The following PANX1 variants were observed in gnomAD, a reference collection of about 807,000 sequenced individuals.
PANX1 encodes the protein pannexin-1.
A neutral mutation model predicts 38.7 loss-of-function variants in PANX1; 30 were observed. The ratio of observed to expected loss-of-function variants is 0.78; its 90% CI spans 0.58 to 1.05. The LOEUF (loss-of-function observed/expected upper bound fraction) is 1.05. PANX1 is among the 50% of genes least tolerant of loss of function. The pLI is 0.00. For synonymous variants in PANX1, 230 were observed against 212.2 expected, an observed-to-expected ratio of 1.08 and a Z score of -0.73; for missense variants, 551 against 517.2, an observed-to-expected ratio of 1.07 and a Z score of -0.63.
Position 94,178,491 on chromosome 11 carries a change from A to C in PANX1, c.444A>C (p.Lys148Asn). 1 of 1,614,160 alleles carries C rather than the reference A, an allele frequency of 6.2e-7. No individual in the cohort carries two copies. The highest frequency in any genetic ancestry group is 2.2e-5 in the East Asian group (1 of 44,878). The part of the protein sequence containing the change: ...DLKFIMEELD[K>N]VYNRAIKAAK... Reference sequence around the variant, plus strand: ...AGTTTATCATGGAAGAACTTGACAAAGTTTACAACCGTGCAATTAAGGCTG... The same window carrying C: ...AGTTTATCATGGAAGAACTTGACAACGTTTACAACCGTGCAATTAAGGCTG... The change falls in exon 3 of 5, where the codon AAA becomes AAC. Residue 148 changes from lysine to asparagine, a missense_variant. Transcript: ENST00000227638.
chr11:94,180,243 C>T lies in PANX1; in HGVS notation c.1187C>T (p.Thr396Met), dbSNP rs115773754. 3,854 of 1,602,838 alleles carry T rather than the reference C, an allele frequency of 2.4e-3. 80 individuals carry two copies. The African/African-American group carries it at 0.045, about 19-fold the overall frequency. The change falls in exon 4 of 5, where the codon ACG (threonine) becomes ATG (methionine). Residue 396 changes from threonine (T) to methionine (M), a missense_variant. Transcript: ENST00000227638. ...ATGAGAGAGGAGCAGGGGAACCAGA[C>T]GGCAGAGCTCCAAGGTAGGGTTTGC... ...AEMREEQGNQ[T>M]AELQGMNIDS...
chr11:94,143,230 C>T (rs1269588403), intron 1 of PANX1, among the ~76,000 whole-genome samples: 1 of 152,186 alleles, frequency 6.6e-6, no homozygotes, highest in Non-Finnish European at 1.5e-5. Flanking sequence ...TGCAGAAGGA[C>T]TTAATGAAGT....
chr11:94,157,166 T>C (rs1222868389), intron 2 of PANX1, among the ~76,000 whole-genome samples: 1 of 152,150 alleles, frequency 6.6e-6, no homozygotes, highest in Non-Finnish European at 1.5e-5. Context: ...TTTGCTATTG[T>C]GAATAGTGCC....
chr11:94,148,869 C>T (rs959125514), intron 1 of PANX1, among the ~76,000 whole-genome samples: 2 of 152,104 alleles, frequency 1.3e-5, no homozygotes, highest in Non-Finnish European at 2.9e-5. Flanking sequence ...TGGCTCCTTC[C>T]TTCTCATCCC....
intron 2 of PANX1, among the ~76,000 whole-genome samples, chr11:94,163,716 A>T (rs921133242): frequency 7.2e-5 from 11 of 152,176 alleles, no homozygotes; most frequent in Non-Finnish European, 1.2e-4. Context: ...TGTCATGGTT[A>T]AGACTGGCTT....
At position 94,178,421 on chromosome 11, in the gene PANX1, T is replaced by C. The variant is rs763015243; in HGVS notation, c.374T>C (p.Leu125Pro). ...LFAILLYLPPLFWRFAAAPHI... is the reference protein window; with the variant it reads ...LFAILLYLPPPFWRFAAAPHI... ...GCGATCCTCCTGTACCTGCCCCCGC[T>C]GTTCTGGCGTTTCGCAGCTGCTCCT... Residue 125 changes from leucine (L) to proline (P), a missense_variant, in exon 3 of 5, where the codon CTG becomes CCG. Coordinates refer to ENST00000227638, the MANE Select transcript of PANX1 (RefSeq NM_015368.4). 50 of 1,614,028 alleles carry C rather than the reference T, an allele frequency of 3.1e-5. No homozygotes were observed. In the Admixed American group the frequency reaches 8.0e-4, roughly 26 times the overall value.
chr11:94,178,485 T>C lies in PANX1; in HGVS notation c.438T>C (p.Leu146=). 1.2e-6 allele frequency: 2 copies of C among 1,614,120 alleles called. No homozygotes were observed. Among genetic ancestry groups the C allele is most frequent in the Non-Finnish European group, 1.7e-6 (2 of 1,180,000 alleles). Reference sequence around the variant, plus strand: ...ACTTGAAGTTTATCATGGAAGAACTTGACAAAGTTTACAACCGTGCAATTA... The same window carrying C: ...ACTTGAAGTTTATCATGGAAGAACTCGACAAAGTTTACAACCGTGCAATTA... ...CSDLKFIMEE[L]DKVYNRAIKA... The change falls in exon 3 of 5, where the codon CTT becomes CTC. Residue 146 remains leucine, a synonymous_variant. Coordinates refer to ENST00000227638, the MANE Select transcript of PANX1 (RefSeq NM_015368.4).
intron 2 of PANX1, among the ~76,000 whole-genome samples, chr11:94,158,241 G>A (rs958570466): frequency 6.6e-6 from 1 of 151,916 alleles, no homozygotes; most frequent in Non-Finnish European, 1.5e-5. Context: ...GCTCTTTTTT[G>A]GTTCCATATG....
intron 1 of PANX1, 76 bp from the exon 2 acceptor site, chr11:94,153,415 C>T (rs1285444236): frequency 6.5e-7 from 1 of 1,529,518 alleles, no homozygotes; most frequent in African/African-American, 1.4e-5. Flanking sequence ...TTAGACAAAA[C>T]TAAAAACATG....
Position 94,139,566 on chromosome 11 carries a change from T to G in PANX1, c.181+10073T>G, listed in dbSNP as rs1946736985. Reference sequence around the variant, plus strand: ...ATGGCAGTGGTCTCCTGGATAGCCTTGTGAGCCAGGCTTGTTGCCAAGGGA... The same window carrying G: ...ATGGCAGTGGTCTCCTGGATAGCCTGGTGAGCCAGGCTTGTTGCCAAGGGA... On this transcript the variant is annotated intron_variant, in intron 1 of 4. Coordinates refer to ENST00000227638, the MANE Select transcript of PANX1 (RefSeq NM_015368.4). Among the ~76,000 whole-genome samples, 3 of 152,216 alleles carry G rather than the reference T, an allele frequency of 2.0e-5. No homozygotes were observed. In the South Asian group the frequency reaches 6.2e-4, roughly 32 times the overall value.
chr11:94,129,825 C>G (rs1565370150), intron 1 of PANX1, among the ~76,000 whole-genome samples: 1 of 152,182 alleles, frequency 6.6e-6, no homozygotes, highest in African/African-American at 2.4e-5. Flanking sequence ...GTTTTTCACC[C>G]CTGTCTCCTA....
At chr11:94,158,443 C>G (rs1946981435) in intron 2 of PANX1, among the ~76,000 whole-genome samples, 1 of 152,048 alleles carries the variant, frequency 6.6e-6, no homozygotes, top group Non-Finnish European at 1.5e-5. Context: ...GTTTGTAGTT[C>G]TCCTTGAAGA....
Position 94,129,217 on chromosome 11 carries a change from C to G in PANX1, c.-96C>G, listed in dbSNP as rs1274845171. The G allele has an allele frequency of 3.7e-6, 4 of 1,079,798 alleles. No homozygotes were observed. The highest frequency in any genetic ancestry group is 5.3e-6 in the Non-Finnish European group (4 of 758,828). The allele number at this position is 1,079,798 out of a possible 1,614,324, so 66.9% of individuals were successfully genotyped here. On this transcript the variant is annotated 5_prime_UTR_variant, in exon 1 of 5. Transcript: ENST00000227638. ...GGAGCAGGCAAAGGGAAAGCGAAAGCCGCGCGCCCGGCCGGTGACTGGGTG... is the reference window on the plus strand; with the variant it reads ...GGAGCAGGCAAAGGGAAAGCGAAAGGCGCGCGCCCGGCCGGTGACTGGGTG...
intron 3 of PANX1, among the ~76,000 whole-genome samples, chr11:94,179,068 C>T (rs1419863828): frequency 6.6e-6 from 1 of 152,154 alleles, no homozygotes; most frequent in Non-Finnish European, 1.5e-5. Flanking sequence ...TAAGAGCCAT[C>T]ATTTTTTGAA....
At chr11:94,173,563 C>T (rs1298612671) in intron 2 of PANX1, among the ~76,000 whole-genome samples, 1 of 151,536 alleles carries the variant, frequency 6.6e-6, no homozygotes, top group Non-Finnish European at 1.5e-5. Flanking sequence ...GCATGAGCTA[C>T]ACACCCGGCG....
chr11:94,180,160 A>C lies in PANX1; in HGVS notation c.1104A>C (p.Thr368=). 1 of 1,614,082 alleles carries C rather than the reference A, an allele frequency of 6.2e-7. No individual in the cohort carries two copies. Among genetic ancestry groups the C allele is most frequent in the South Asian group, 1.1e-5 (1 of 91,078 alleles). ...GGATCGACCCAATGCTACTCCTGAC[A>C]AACCTTGGCATGATCAAGATGGATG... ...GQGIDPMLLL[T]NLGMIKMDVV... is the part of the protein sequence containing the mutation. Residue 368 remains threonine (T), a synonymous_variant, in exon 4 of 5, where the codon ACA becomes ACC. Transcript: ENST00000227638.
intron 1 of PANX1, among the ~76,000 whole-genome samples, chr11:94,139,295 T>G (rs1946734159): frequency 6.6e-6 from 1 of 152,142 alleles, no homozygotes; most frequent in South Asian, 2.1e-4. Flanking sequence ...TCTAAGTGAG[T>G]GACTTGCTTG....
intron 2 of PANX1, among the ~76,000 whole-genome samples, chr11:94,174,361 C>T (rs775315981): frequency 6.6e-6 from 1 of 151,240 alleles, no homozygotes; most frequent in Non-Finnish European, 1.5e-5. Flanking sequence ...ATTCAACAGA[C>T]AAACACGGAG....
At chr11:94,132,813 A>G (rs1946646144) in intron 1 of PANX1, among the ~76,000 whole-genome samples, 1 of 152,196 alleles carries the variant, frequency 6.6e-6, no homozygotes, top group South Asian at 2.1e-4. Context: ...GTTCAAGTTG[A>G]AACTTTGTGG....
Sources: allele counts gnomAD v4.1 joint callset (sites outside exome capture counted in the v4.1 genomes callset), GRCh38; gene constraint gnomAD v4.1.1; transcripts MANE v1.5; gene names NCBI Gene and HGNC (gene_info 2026-07-23, HGNC 2026-07-21).